MRM1: variants seen among roughly 807,000 people sequenced by gnomAD.
The protein encoded by MRM1 is mitochondrial rRNA methyltransferase 1.
Under a neutral mutation model 25.0 loss-of-function variants are expected in MRM1, and 24 were observed. That is an observed-to-expected ratio of 0.96 (90% CI 0.69 to 1.35). The LOEUF (loss-of-function observed/expected upper bound fraction) is 1.35. MRM1 is among the 40% of genes most tolerant of loss of function. The probability of loss-of-function intolerance (pLI) is 0.00; values close to 1 mark genes in which losing one functional copy is unlikely to be tolerated. For synonymous variants in MRM1, 188 were observed against 199.2 expected (o/e 0.94, Z 0.47); for missense variants, 431 against 464.1 (o/e 0.93, Z 0.65).
chr17:36,628,736 C>T, the MRM1 span, among the ~76,000 whole-genome samples: 1 of 152,170 alleles, frequency 6.6e-6, no homozygotes, highest in Admixed American at 6.5e-5. Context: ...GTGCTTCAAA[C>T]TTGTTATTTC....
the MRM1 span, among the ~76,000 whole-genome samples, chr17:36,614,799 T>C: frequency 2.0e-5 from 3 of 152,198 alleles, no homozygotes; most frequent in Admixed American, 6.5e-5. Flanking sequence ...GCAAATAAAA[T>C]ATTTATTTGC....
the MRM1 span, among the ~76,000 whole-genome samples, chr17:36,617,903 G>A: frequency 6.6e-6 from 1 of 152,336 alleles, no homozygotes; most frequent in African/African-American, 2.4e-5. Flanking sequence ...CGCACACCAT[G>A]CCTGGTCCTC....
chr17:36,618,422 G>A, the MRM1 span, among the ~76,000 whole-genome samples: 1 of 152,144 alleles, frequency 6.6e-6, no homozygotes, highest in African/African-American at 2.4e-5. Context: ...GTGGTTGGGG[G>A]AGGGCACAAT....
the MRM1 span, among the ~76,000 whole-genome samples, chr17:36,619,545 G>A: frequency 6.6e-6 from 1 of 152,078 alleles, no homozygotes; most frequent in East Asian, 1.9e-4. Context: ...GCGCATGCCT[G>A]TAATCCCAGC....
the MRM1 span, among the ~76,000 whole-genome samples, chr17:36,626,486 C>T: frequency 6.6e-6 from 1 of 152,198 alleles, no homozygotes; most frequent in Non-Finnish European, 1.5e-5. Flanking sequence ...CCTCAGCCTC[C>T]TGACTAGCTG....
rs1351498156 is a variant in MRM1, at chr17:36,607,771, C to T, written c.738C>T (p.Phe246=). The change falls in exon 3 of 5, where the codon TTC becomes TTT. Residue 246 remains phenylalanine, a synonymous_variant. Transcript: ENST00000614766. ...SEIPIMSCLE[F]LWERPTLLVL... The stretch of plus-strand genomic sequence containing the variant: ...TCCCCATCATGAGTTGCTTGGAGTT[C>T]CTCTGGGAACGGCCTACTCTCCTTG... 6.2e-7 allele frequency: 1 copy of T among 1,614,038 alleles called. No homozygotes were observed. Among genetic ancestry groups the T allele is most frequent in the Non-Finnish European group, 8.5e-7 (1 of 1,180,038 alleles).
chr17:36,629,933 C>T, the MRM1 span, among the ~76,000 whole-genome samples: 1 of 152,122 alleles, frequency 6.6e-6, no homozygotes, highest in Admixed American at 6.5e-5. Context: ...ATGCCTGCAG[C>T]TGGTAGGAAA....
At position 36,601,819 on chromosome 17, in the gene MRM1, G is replaced by T. The variant is rs1159042992; in HGVS notation, c.9G>T (p.Leu3Phe). 4 of 1,565,170 alleles carry T rather than the reference G, an allele frequency of 2.6e-6. No homozygotes were observed. Among genetic ancestry groups the T allele is most frequent in the Non-Finnish European group, 3.5e-6 (4 of 1,157,732 alleles). Residue 3 changes from leucine to phenylalanine, a missense_variant, in exon 1 of 5, where the codon TTG becomes TTT. Transcript: ENST00000614766. MALLSTVRGATWG... is the reference protein window; with the variant it reads MAFLSTVRGATWG... ...CTGGCGGGAGCTGCGCCATGGCATTGCTCTCGACCGTCCGGGGCGCGACCT... is the reference window on the plus strand; with the variant it reads ...CTGGCGGGAGCTGCGCCATGGCATTTCTCTCGACCGTCCGGGGCGCGACCT...
chr17:36,630,305 C>T, the MRM1 span, among the ~76,000 whole-genome samples: 6 of 152,280 alleles, frequency 3.9e-5, no homozygotes, highest in African/African-American at 1.2e-4. Context: ...GGCCTCCAAA[C>T]CTTGTACTTG....
At chr17:36,612,629 A>G (rs1567851100), downstream of MRM1, among the ~76,000 whole-genome samples, 1 of 152,214 alleles carries the variant, frequency 6.6e-6, no homozygotes, top group East Asian at 1.9e-4. Flanking sequence ...GTGGTGGTTA[A>G]GAGCAGGAGC....
At chr17:36,625,438 TTTCTTC>T in the MRM1 span, among the ~76,000 whole-genome samples, 2 of 147,634 alleles carry the variant, frequency 1.4e-5, no homozygotes, top group African/African-American at 5.0e-5. Context: ...TCCTTCTCCT[TTTCTTC>T]TTCTTCTCCT....
At chr17:36,614,668 G>T in the MRM1 span, among the ~76,000 whole-genome samples, 2 of 152,180 alleles carry the variant, frequency 1.3e-5, no homozygotes, top group African/African-American at 4.8e-5. Flanking sequence ...CCCAAGGCAA[G>T]ATGCTTGTCC....
At chr17:36,624,645 A>AG in the MRM1 span, among the ~76,000 whole-genome samples, 1 of 152,088 alleles carries the variant, frequency 6.6e-6, no homozygotes, top group Non-Finnish European at 1.5e-5. The surrounding 1 kb of genome is among the most constrained non-coding windows in gnomAD (Gnocchi z 4.0). Flanking sequence ...TTCAGAGATG[A>AG]GGGGTGTGGC....
rs1414423863 is a variant in MRM1 at position 36,602,130 on chromosome 17, T to C, written c.320T>C (p.Leu107Pro). 1 of 1,612,762 alleles carries C rather than the reference T, an allele frequency of 6.2e-7. No individual in the cohort carries two copies. The highest frequency in any genetic ancestry group is 1.3e-5 in the African/African-American group (1 of 74,920). Residue 107 changes from leucine to proline, a missense_variant, in exon 1 of 5, where the codon CTG becomes CCG. Coordinates refer to ENST00000614766, the MANE Select transcript of MRM1 (RefSeq NM_024864.5). The surrounding 1 kb of genome is among the most constrained non-coding windows in gnomAD (Gnocchi z 4.1). ...IPVLRPRRQK[L>P]DTMCRYQVHQ... ...GTTCTGCGGCCCAGACGGCAGAAAC[T>C]GGACACAATGTGCCGCTACCAGGTC...
chr17:36,615,440 C>T, the MRM1 span, among the ~76,000 whole-genome samples: 2 of 151,988 alleles, frequency 1.3e-5, no homozygotes, highest in African/African-American at 4.8e-5. Flanking sequence ...GTGGGCGAAT[C>T]ATGAGGTCAG....
At chr17:36,634,231 T>C in the MRM1 span, 2 of 152,236 alleles carry the variant, frequency 1.3e-5, no homozygotes, top group Non-Finnish European at 2.9e-5. Context: ...CTTGTACATG[T>C]TTCCATTCTG....
At position 36,608,769 on chromosome 17, in the gene MRM1, T is replaced by G; in HGVS notation, c.*354T>G. 23 of 186,306 alleles carry G rather than the reference T, an allele frequency of 1.2e-4. No individual in the cohort carries two copies. Among genetic ancestry groups the G allele is most frequent in the East Asian group, 2.6e-4 (2 of 7,592 alleles). The allele number at this position is 186,306 out of a possible 1,614,324, so 11.5% of individuals were successfully genotyped here. A position where few individuals can be genotyped will look rare whatever the true frequency, so the allele number is the denominator to read the frequency against. On this transcript the variant is annotated 3_prime_UTR_variant, in exon 5 of 5. Transcript: ENST00000614766. ...GACCCGTTCCTCTTGAACCAGTCAT[T>G]GCCTGTGGCAAATGTGTGTATGAGA... is the stretch of plus-strand genomic sequence containing the variant.
chr17:36,606,495 A>G (rs1007569379), intron 2 of MRM1, among the ~76,000 whole-genome samples: 5 of 151,494 alleles, frequency 3.3e-5, no homozygotes, highest in Non-Finnish European at 5.9e-5. Flanking sequence ...GCTCGCTGCA[A>G]TGTCTGCCTC....
the MRM1 span, among the ~76,000 whole-genome samples, chr17:36,618,770 T>C: frequency 3.8e-4 from 58 of 152,320 alleles, no homozygotes; most frequent in African/African-American, 1.3e-3. Flanking sequence ...CTTCACCTGC[T>C]TTGTCGATGA....
Sources: gnomAD v4.1 joint callset for allele counts (sites outside exome capture counted in the v4.1 genomes callset) on GRCh38, gnomAD v4.1.1 for gene constraint, Gnocchi (gnomAD v3.1) non-coding constraint, MANE v1.5 for transcripts, NCBI Gene and HGNC (gene_info 2026-07-23, HGNC 2026-07-21) for gene names.